MSRB3: variants seen among roughly 807,000 people sequenced by gnomAD.
MSRB3 encodes methionine-R-sulfoxide reductase B3.
MSRB3 carries 13 observed loss-of-function variants against 21.0 expected under a neutral mutation model. That is an observed-to-expected ratio of 0.62 (90% CI 0.40 to 0.98). The LOEUF (loss-of-function observed/expected upper bound fraction) is 0.98. Ranked by LOEUF, MSRB3 falls within the 50% of genes least tolerant of loss-of-function variation. The probability of loss-of-function intolerance (pLI) is 0.00; values close to 1 mark genes in which losing one functional copy is unlikely to be tolerated. For synonymous variants in MSRB3, 87 were observed against 88.6 expected, an observed-to-expected ratio of 0.98 and a Z score of 0.10; for missense variants, 199 against 230.3, an observed-to-expected ratio of 0.86 and a Z score of 0.88.
chr12:65,408,889 T>A (rs1466519696), intron 5 of MSRB3, among the ~76,000 whole-genome samples: 4 of 152,146 alleles, frequency 2.6e-5, no homozygotes, highest in African/African-American at 9.7e-5. Context: ...TTGTTAAAAA[T>A]AACACAATCA....
At chr12:65,401,083 T>A (rs2136602836) in intron 5 of MSRB3, among the ~76,000 whole-genome samples, 1 of 152,324 alleles carries the variant, frequency 6.6e-6, no homozygotes, top group East Asian at 1.9e-4. Context: ...GAATGTATAT[T>A]CTGTTGATTT....
intron 5 of MSRB3, among the ~76,000 whole-genome samples, chr12:65,393,400 G>A (rs571124791): frequency 2.6e-4 from 39 of 152,224 alleles, no homozygotes; most frequent in Non-Finnish European, 3.5e-4. Context: ...TTGGGAGGCC[G>A]AGGTGGGTGA....
At chr12:65,299,074 C>T (rs2136407753) in intron 1 of MSRB3, among the ~76,000 whole-genome samples, 1 of 152,288 alleles carries the variant, frequency 6.6e-6, no homozygotes, top group East Asian at 1.9e-4. Context: ...GCAACTCCAC[C>T]TCTTTCTATT....
intron 1 of MSRB3, chr12:65,284,571 G>A (rs1353977667): frequency 6.6e-6 from 1 of 152,202 alleles, no homozygotes; most frequent in East Asian, 1.9e-4. Context: ...GAGATGTGTA[G>A]TAGAATCCGA....
chr12:65,454,278 A>G (rs1882991135), intron 6 of MSRB3: 1 of 166,586 alleles, frequency 6.0e-6, no homozygotes, highest in East Asian at 1.6e-4. Context: ...ACAGAGCAAG[A>G]CCCTGTCTCA....
intron 6 of MSRB3, chr12:65,454,086 C>T (rs1011138927): frequency 5.8e-5 from 36 of 619,992 alleles, no homozygotes; most frequent in Middle Eastern, 5.8e-4. Flanking sequence ...AAGTTCAAGA[C>T]GAGTCCGGGC....
rs149613739 is a variant in MSRB3 at position 65,370,582 on chromosome 12, A to G, written c.292+1556A>G. On this transcript the variant is annotated intron_variant, in intron 5 of 6. Coordinates refer to ENST00000308259, the MANE Select transcript of MSRB3 (RefSeq NM_001031679.3). ...CTGAAATATTAGGCAGCTATTGTCA[A>G]AGTCAGACAATTTATGTTAACTTTT... Among the ~76,000 whole-genome samples, 531 of 152,334 alleles carry G rather than the reference A, an allele frequency of 3.5e-3. 4 individuals carry two copies. Among genetic ancestry groups the G allele is most frequent in the African/African-American group, 0.012 (499 of 41,586 alleles).
At chr12:65,314,900 C>A (rs543088916) in intron 2 of MSRB3, among the ~76,000 whole-genome samples, 2 of 152,114 alleles carry the variant, frequency 1.3e-5, no homozygotes, top group African/African-American at 4.8e-5. Context: ...ATCATATAGG[C>A]AATTAGATGC....
At chr12:65,369,176 G>A in intron 5 of MSRB3, 150 bp downstream of exon 5, 1 of 640,642 alleles carries the variant, frequency 1.6e-6, no homozygotes, top group South Asian at 1.9e-5. Flanking sequence ...CAGGGCTATT[G>A]ACTGCATCAA....
intron 1 of MSRB3, among the ~76,000 whole-genome samples, chr12:65,301,020 G>A (rs1231348097): frequency 6.6e-6 from 1 of 152,138 alleles, no homozygotes; most frequent in Non-Finnish European, 1.5e-5. Flanking sequence ...TGTGTACAGA[G>A]TAATAATGAC....
At chr12:65,316,411 T>G (rs1046369339) in intron 2 of MSRB3, 1 of 152,054 alleles carries the variant, frequency 6.6e-6, no homozygotes, top group Non-Finnish European at 1.5e-5. Context: ...GGAAATGTCA[T>G]GGGTTTGATC....
intron 4 of MSRB3, among the ~76,000 whole-genome samples, chr12:65,351,812 C>G (rs1877016883): frequency 6.6e-6 from 1 of 151,960 alleles, no homozygotes; most frequent in Non-Finnish European, 1.5e-5. Flanking sequence ...GAAATTGTGG[C>G]AATAATCGAT....
chr12:65,300,328 A>G (rs1223730171), intron 1 of MSRB3, among the ~76,000 whole-genome samples: 1 of 152,132 alleles, frequency 6.6e-6, no homozygotes, highest in Non-Finnish European at 1.5e-5. Context: ...TTAATGTGGG[A>G]ATATGAGAGG....
chr12:65,312,079 C>T (rs1289253397), intron 2 of MSRB3, among the ~76,000 whole-genome samples: 4 of 152,002 alleles, frequency 2.6e-5, no homozygotes, highest in African/African-American at 9.7e-5. Flanking sequence ...TTAGAAAACT[C>T]TAACCAAAGC....
intron 5 of MSRB3, among the ~76,000 whole-genome samples, chr12:65,430,294 G>T (rs1273239531): frequency 2.0e-5 from 3 of 152,062 alleles, no homozygotes; most frequent in Non-Finnish European, 4.4e-5. Context: ...CAAAATAGAA[G>T]GATGCAGACT....
At chr12:65,342,922 T>C (rs1045420983) in intron 4 of MSRB3, among the ~76,000 whole-genome samples, 3 of 152,090 alleles carry the variant, frequency 2.0e-5, no homozygotes, top group African/African-American at 7.2e-5. Context: ...AAAGGTTTTG[T>C]ACCAAATGTT....
intron 5 of MSRB3, among the ~76,000 whole-genome samples, 196 bp from the exon 6 acceptor site, chr12:65,453,532 G>A (rs1882951655): frequency 1.3e-5 from 2 of 152,114 alleles, no homozygotes; most frequent in African/African-American, 4.8e-5. Context: ...CTGAATATGA[G>A]GAAAGGGTTA....
chr12:65,387,433 A>C (rs1372209157), intron 5 of MSRB3, among the ~76,000 whole-genome samples: 1 of 152,102 alleles, frequency 6.6e-6, no homozygotes, highest in Admixed American at 6.6e-5. Context: ...GATAGGTAAA[A>C]AGTAGAATCT....
At chr12:65,327,269 C>T (rs529177835) in intron 3 of MSRB3, among the ~76,000 whole-genome samples, 1 of 152,338 alleles carries the variant, frequency 6.6e-6, no homozygotes, top group East Asian at 1.9e-4. Flanking sequence ...CCATGAGGGA[C>T]TTGGCACTAT....
Sources: allele counts gnomAD v4.1 joint callset (sites outside exome capture counted in the v4.1 genomes callset), GRCh38; gene constraint gnomAD v4.1.1; transcripts MANE v1.5; gene names NCBI Gene and HGNC (gene_info 2026-07-23, HGNC 2026-07-21).